ST7: variants seen among roughly 807,000 people sequenced by gnomAD.
ST7 encodes suppression of tumorigenicity 7.
Under a neutral mutation model 78.7 loss-of-function variants are expected in ST7, and 28 were observed. The observed-to-expected ratio is 0.36, with a 90% confidence interval of 0.26 to 0.49. The LOEUF is 0.49. ST7 is among the 20% of genes least tolerant of loss of function. The pLI, the probability that ST7 is intolerant of heterozygous loss-of-function variation, is 0.99. For missense variants in ST7, 418 were observed against 696.0 expected (o/e 0.60, Z 4.49); for synonymous variants, 247 against 249.6 (o/e 0.99, Z 0.10).
Position 117,229,757 on chromosome 7 carries a change from T to C in ST7, c.1639-5T>C. The C allele has an allele frequency of 1.2e-6, 2 of 1,606,944 alleles. No homozygotes were observed. Among genetic ancestry groups the C allele is most frequent in the Non-Finnish European group, 1.7e-6 (2 of 1,176,998 alleles). On this transcript the variant is annotated splice_polypyrimidine_tract_variant and splice_region_variant and intron_variant, in intron 15 of 15. Transcript: ENST00000323984. ...GACTTCTGTGTCTGTCTGGTTTCTT[T>C]GCAGTTCCTCAGCACTTTGTTTGCC...
chr7:117,006,893 T>G (rs551228875), intron 1 of ST7, among the ~76,000 whole-genome samples: 104 of 152,350 alleles, frequency 6.8e-4, no homozygotes, highest in Middle Eastern at 3.4e-3. Flanking sequence ...TGTTTTGGGG[T>G]GCCGCAAACC....
intron 1 of ST7, among the ~76,000 whole-genome samples, chr7:117,066,544 G>C (rs889712872): frequency 3.1e-4 from 47 of 151,960 alleles, no homozygotes; most frequent in Middle Eastern, 6.8e-3. Flanking sequence ...GGTGGATCAC[G>C]AGGTCAGGAG....
intron 1 of ST7, among the ~76,000 whole-genome samples, chr7:117,086,878 A>G (rs1249473577): frequency 6.6e-6 from 1 of 152,226 alleles, no homozygotes; most frequent in Admixed American, 6.5e-5. Flanking sequence ...AGTTATTGGA[A>G]TTGAAAATAA....
chr7:117,009,314 AT>A (rs1795289000), intron 1 of ST7, among the ~76,000 whole-genome samples: 1 of 101,262 alleles, frequency 9.9e-6, no homozygotes, highest in Non-Finnish European at 2.0e-5. Context: ...ATTCATGACT[AT>A]TTTTTATGAC....
intron 1 of ST7, among the ~76,000 whole-genome samples, chr7:117,093,613 A>G (rs1800795117): frequency 6.6e-6 from 1 of 152,162 alleles, no homozygotes; most frequent in Non-Finnish European, 1.5e-5. Flanking sequence ...AAGCAGGGGA[A>G]TCACTTGAAC....
At chr7:117,160,526 C>T (rs747265564) in intron 9 of ST7, among the ~76,000 whole-genome samples, 16 of 148,858 alleles carry the variant, frequency 1.1e-4, no homozygotes, top group African/African-American at 2.3e-4. Context: ...CCCTCTCTCC[C>T]GTGACAATCC....
intron 1 of ST7, among the ~76,000 whole-genome samples, chr7:117,058,355 T>C (rs1443825992): frequency 6.6e-6 from 1 of 152,184 alleles, no homozygotes; most frequent in African/African-American, 2.4e-5. Flanking sequence ...TCTTTGGAAA[T>C]TAATGATCAG....
intron 10 of ST7, among the ~76,000 whole-genome samples, chr7:117,172,060 C>G (rs547977361): frequency 2.0e-5 from 3 of 152,010 alleles, no homozygotes; most frequent in South Asian, 2.1e-4. Context: ...TAGCCATCCT[C>G]CTGCTTCAGC....
In ST7 at chr7:117,099,049, AAAAAAAAAAAAAAAAAC is replaced by A. The variant is rs1415473340; in HGVS notation, c.152-702_152-686del. 5.7e-5 allele frequency among the ~76,000 whole-genome samples: 8 copies of A among 139,200 alleles called. 1 individual carries two copies. Among genetic ancestry groups the A allele is most frequent in the African/African-American group, 1.1e-4 (4 of 36,004 alleles). The allele number at this position is 139,200 out of a possible 152,430, so 91.3% of individuals were successfully genotyped here. On this transcript the variant is annotated intron_variant, in intron 1 of 15. Transcript: ENST00000323984. The stretch of plus-strand genomic sequence containing the variant: ...TTTCTTAATAAACTCACTTTCGCAA[AAAAAAAAAAAAAAAAAC>A]AAAAAAAAAAGAAGAAGAAGAAGGT...
Position 117,221,847 on chromosome 7 carries a change from A to G in ST7, c.1499-76A>G, listed in dbSNP as rs1052748890. Reference sequence around the variant, plus strand: ...CAACTCTTTCCCAAGCTCTGGAGTCAGTGCCACCATAAAGACCTCCCCTGA... The same window carrying G: ...CAACTCTTTCCCAAGCTCTGGAGTCGGTGCCACCATAAAGACCTCCCCTGA... On this transcript the variant is annotated intron_variant, in intron 14 of 15. Coordinates refer to ENST00000323984, the MANE Select transcript of ST7 (RefSeq NM_001369598.1). 2.1e-6 allele frequency: 3 copies of G among 1,453,926 alleles called. No individual in the cohort carries two copies. In the African/African-American group the frequency reaches 4.4e-5, roughly 21 times the overall value. 90.1% of individuals were successfully genotyped at this position (1,453,926 alleles called of 1,614,324 possible).
intron 1 of ST7, among the ~76,000 whole-genome samples, chr7:117,046,503 C>T (rs145739324): frequency 1.3e-5 from 2 of 152,120 alleles, no homozygotes; most frequent in African/African-American, 4.8e-5. Context: ...TTTTTAGCTT[C>T]TCTCAGGGAC....
At chr7:117,015,825 G>C (rs539512928) in intron 1 of ST7, among the ~76,000 whole-genome samples, 15 of 152,240 alleles carry the variant, frequency 9.9e-5, no homozygotes, top group African/African-American at 3.6e-4. Context: ...CTGACAGATT[G>C]CTTTTAAACT....
intron 9 of ST7, among the ~76,000 whole-genome samples, chr7:117,151,288 A>G (rs1377906798): frequency 3.9e-5 from 6 of 152,034 alleles, no homozygotes; most frequent in Admixed American, 3.9e-4. Context: ...GTCCCTGCCT[A>G]CTCTTCTGAA....
chr7:117,067,535 A>G lies in ST7; in HGVS notation c.152-32227A>G, dbSNP rs548172828. ...TGGATTGAAAATTACTGAGAAGATA[A>G]AATGACCTAACAGGAGTCTGGCTGA... On this transcript the variant is annotated intron_variant, in intron 1 of 15. Transcript: ENST00000323984. 3.9e-5 allele frequency among the ~76,000 whole-genome samples: 6 copies of G among 152,194 alleles called. No individual in the cohort carries two copies. The South Asian group carries it at 1.2e-3, about 32-fold the overall frequency.
chr7:117,148,535 G>T (rs1422780453), intron 9 of ST7, among the ~76,000 whole-genome samples: 1 of 152,058 alleles, frequency 6.6e-6, no homozygotes, highest in African/African-American at 2.4e-5. Context: ...TTTTGAGCGT[G>T]TGTGCTGTCT....
chr7:117,223,638 A>G (rs1026229367), intron 15 of ST7: 1 of 152,544 alleles, frequency 6.6e-6, no homozygotes, highest in Non-Finnish European at 1.5e-5. Context: ...CCACTCTACT[A>G]ATGCCTCTTC....
At chr7:116,967,293 G>T (rs150371661) in intron 1 of ST7, 2 of 470,956 alleles carry the variant, frequency 4.2e-6, no homozygotes, top group East Asian at 6.9e-5. Flanking sequence ...TCACATACCC[G>T]CAGTGGTGGT....
chr7:117,191,476 A>T (rs185161579), intron 12 of ST7, among the ~76,000 whole-genome samples: 51 of 149,840 alleles, frequency 3.4e-4, no homozygotes, highest in African/African-American at 1.2e-3. Flanking sequence ...TATTAACCAC[A>T]TGGTTGACCA....
At chr7:117,039,698 T>A (rs1179378665) in intron 1 of ST7, among the ~76,000 whole-genome samples, 3 of 152,370 alleles carry the variant, frequency 2.0e-5, no homozygotes, top group Non-Finnish European at 2.9e-5. Context: ...ATTTTATTTT[T>A]AAAAATTTAT....
Sources: allele counts gnomAD v4.1 joint callset (sites outside exome capture counted in the v4.1 genomes callset), GRCh38; gene constraint gnomAD v4.1.1; transcripts MANE v1.5; gene names NCBI Gene and HGNC (gene_info 2026-07-23, HGNC 2026-07-21).